Variants in MSH5 observed in about 807,000 individuals in gnomAD.
The protein encoded by MSH5 is mutS homolog 5, also known as mutS protein homolog 5.
In MSH5, 78 loss-of-function variants were observed where a neutral mutation model predicts 107.7. That is an observed-to-expected ratio of 0.72 (90% CI 0.60 to 0.87). The LOEUF (loss-of-function observed/expected upper bound fraction) is 0.87. MSH5 is among the 40% of genes least tolerant of loss of function. The pLI is 0.00. For synonymous variants in MSH5, 326 were observed against 399.5 expected (o/e 0.82, Z 2.19); for missense variants, 889 against 1,046.6 (o/e 0.85, Z 2.08).
intron 12 of MSH5, 51 bp downstream of exon 12, chr6:31,753,680 T>C: frequency 6.4e-7 from 1 of 1,556,442 alleles, no homozygotes; most frequent in Non-Finnish European, 8.9e-7. Flanking sequence ...GCCCTCAGCC[T>C]GTATTCCAGA....
At chr6:31,743,468 C>T (rs1462267457) in intron 5 of MSH5, 5 of 506,600 alleles carry the variant, frequency 9.9e-6, no homozygotes, top group Non-Finnish European at 1.7e-5. Flanking sequence ...AAGTTAAAGC[C>T]TTTTATCACC....
chr6:31,761,808 C>A lies in MSH5; in HGVS notation c.2182-10C>A. ...GATTGATGATACACTGTCTTTTATT[C>A]TCTTTTAAGACCATGGAGACCTGTG... is the stretch of plus-strand genomic sequence containing the variant. On this transcript the variant is annotated splice_polypyrimidine_tract_variant and intron_variant, in intron 22 of 24. Coordinates refer to ENST00000375750, the MANE Select transcript of MSH5 (RefSeq NM_172166.4). The surrounding 1 kb of genome is among the most constrained non-coding windows in gnomAD (Gnocchi z 5.3). 1 of 1,613,090 alleles carries A rather than the reference C, an allele frequency of 6.2e-7. No homozygotes were observed. Among genetic ancestry groups the A allele is most frequent in the Non-Finnish European group, 8.5e-7 (1 of 1,180,024 alleles).
chr6:31,749,387 C>T (rs959059916), intron 10 of MSH5, among the ~76,000 whole-genome samples: 1 of 152,012 alleles, frequency 6.6e-6, no homozygotes, highest in African/African-American at 2.4e-5. Context: ...ACCGAAAATA[C>T]AAAAATTAGC....
chr6:31,752,881 T>A (rs556309169), intron 10 of MSH5, among the ~76,000 whole-genome samples: 1 of 152,326 alleles, frequency 6.6e-6, no homozygotes, highest in African/African-American at 2.4e-5. Flanking sequence ...AAGATGAATG[T>A]CTGTTGCTGT....
chr6:31,749,379 C>T (rs191934641), intron 10 of MSH5, among the ~76,000 whole-genome samples: 4 of 152,020 alleles, frequency 2.6e-5, no homozygotes, highest in Admixed American at 1.3e-4. Flanking sequence ...TCACGTCTAC[C>T]GAAAATACAA....
At chr6:31,753,938 C>G (rs1810207374) in intron 12 of MSH5, 1 of 288,772 alleles carries the variant, frequency 3.5e-6, no homozygotes, top group Non-Finnish European at 6.9e-6. Flanking sequence ...GTTGGCCAGG[C>G]TGGTCTTGAA....
chr6:31,753,769 C>A (rs1810190250), intron 12 of MSH5, 140 bp downstream of exon 12: 1 of 810,402 alleles, frequency 1.2e-6, no homozygotes, highest in Admixed American at 2.3e-5. Flanking sequence ...CGCTCTGTCG[C>A]CCAGGCTGAA....
chr6:31,762,124 A>G lies in MSH5; in HGVS notation c.2332A>G (p.Ile778Val). The change falls in exon 24 of 25, where the codon ATC (isoleucine) becomes GTC (valine). Residue 778 changes from isoleucine to valine, a missense_variant. Around this residue, in one of 3 missense-constraint regions of MSH5, gnomAD observed 362 missense variants for 456.2 expected, o/e 0.79. Coordinates refer to ENST00000375750, the MANE Select transcript of MSH5 (RefSeq NM_172166.4). ...VARGKEVSDL[I>V]RSGKPIKPVK... ...TGCTTGTTCCTAGGTCTCAGACTTG[A>G]TCCGCAGTGGAAAACCCATCAAGCC... 2 of 1,614,154 alleles carry G rather than the reference A, an allele frequency of 1.2e-6. No individual in the cohort carries two copies. The highest frequency in any genetic ancestry group is 1.7e-6 in the Non-Finnish European group (2 of 1,180,030).
At chr6:31,746,956 A>T (rs936268729) in intron 9 of MSH5, among the ~76,000 whole-genome samples, 4 of 152,084 alleles carry the variant, frequency 2.6e-5, no homozygotes, top group Non-Finnish European at 5.9e-5. Flanking sequence ...AGTAGCTGGG[A>T]CTACAGGTGC....
chr6:31,740,451 C>T lies in MSH5; in HGVS notation c.-13-3C>T. The T allele has an allele frequency of 6.4e-7, 1 of 1,553,698 alleles. No homozygotes were observed. Among genetic ancestry groups the T allele is most frequent in the East Asian group, 2.5e-5 (1 of 40,810 alleles). On this transcript the variant is annotated splice_region_variant and splice_polypyrimidine_tract_variant and intron_variant, in intron 1 of 24. Coordinates refer to ENST00000375750, the MANE Select transcript of MSH5 (RefSeq NM_172166.4). This position sits in a 1 kb window ranked among gnomAD's most constrained non-coding sequence, Gnocchi z 4.4. ...GAACCGCCCTCACTTTTTGCATCCG[C>T]AGAGCCTCCAAGCTCATGGCCTCCT...
At chr6:31,748,807 C>G (rs547977898) in intron 10 of MSH5, among the ~76,000 whole-genome samples, 1 of 152,240 alleles carries the variant, frequency 6.6e-6, no homozygotes, top group African/African-American at 2.4e-5. Context: ...TTCCAAAGCC[C>G]CTTCTAAGTC....
chr6:31,741,102 T>G, intron 2 of MSH5, 61 bp from the exon 3 acceptor site: 1 of 1,584,578 alleles, frequency 6.3e-7, no homozygotes, highest in Admixed American at 1.8e-5. Context: ...ATATAAGACA[T>G]GGTAAACCCT....
In MSH5 at chr6:31,760,591, C is replaced by T. The variant is rs1273370167; in HGVS notation, c.1813-99C>T. On this transcript the variant is annotated intron_variant, in intron 19 of 24. Transcript: ENST00000375750. This position sits in a 1 kb window ranked among gnomAD's most constrained non-coding sequence, Gnocchi z 5.6. ...CTGTTACCTATTTCTCCTGTTTCACCCTGTCCATTTCTCTTTGATGTGCCA... is the reference window on the plus strand; with the variant it reads ...CTGTTACCTATTTCTCCTGTTTCACTCTGTCCATTTCTCTTTGATGTGCCA... 1 of 1,473,800 alleles carries T rather than the reference C, an allele frequency of 6.8e-7. No homozygotes were observed. The highest frequency in any genetic ancestry group is 9.5e-7 in the Non-Finnish European group (1 of 1,057,280). The allele number at this position is 1,473,800 out of a possible 1,614,324, so 91.3% of individuals were successfully genotyped here. A position where few individuals can be genotyped will look rare whatever the true frequency, so the allele number is the denominator to read the frequency against.
At chr6:31,748,016 A>C (rs1253323510) in intron 10 of MSH5, among the ~76,000 whole-genome samples, 1 of 152,110 alleles carries the variant, frequency 6.6e-6, no homozygotes, top group East Asian at 1.9e-4. Context: ...AAAAAAAAAA[A>C]ATGCTAATGT....
chr6:31,744,697 T>C (rs897520391), intron 8 of MSH5, 116 bp downstream of exon 8: 86 of 1,141,714 alleles, frequency 7.5e-5, no homozygotes, highest in Non-Finnish European at 1.0e-4. Context: ...AAGATCTCTC[T>C]CCTTGAAGGA....
chr6:31,740,426 G>A lies in MSH5; in HGVS notation c.-13-28G>A. On this transcript the variant is annotated intron_variant, in intron 1 of 24. Coordinates refer to ENST00000375750, the MANE Select transcript of MSH5 (RefSeq NM_172166.4). The surrounding 1 kb of genome is among the most constrained non-coding windows in gnomAD (Gnocchi z 4.4). ...GCCTCCTCTGTGAATCGTTGCTTCC[G>A]AACCGCCCTCACTTTTTGCATCCGC... 2 of 1,542,490 alleles carry A rather than the reference G, an allele frequency of 1.3e-6. No individual in the cohort carries two copies. Among genetic ancestry groups the A allele is most frequent in the Non-Finnish European group, 1.7e-6 (2 of 1,143,332 alleles).
rs1810646393 is a variant in MSH5, at chr6:31,758,385, A to G, written c.1143+92A>G. The G allele has an allele frequency of 6.3e-6, 10 of 1,581,722 alleles. No individual in the cohort carries two copies. Among genetic ancestry groups the G allele is most frequent in the Non-Finnish European group, 7.8e-6 (9 of 1,158,002 alleles). ...GGGAAACATGGAAGATATTGAGGTC[A>G]ATTGGATAAAGAATGGGATGGTGGG... On this transcript the variant is annotated intron_variant, in intron 13 of 24. Transcript: ENST00000375750. This position sits in a 1 kb window ranked among gnomAD's most constrained non-coding sequence, Gnocchi z 5.1.
intron 24 of MSH5, 52 bp from the exon 25 acceptor site, chr6:31,762,368 G>A: frequency 7.0e-7 from 1 of 1,424,670 alleles, no homozygotes; most frequent in South Asian, 1.2e-5. Context: ...CTCTGCCCAG[G>A]GATTTGGTTG....
chr6:31,746,078 TTTTG>T (rs1285797629), intron 9 of MSH5: 1 of 33,816 alleles, frequency 3.0e-5, no homozygotes, highest in African/African-American at 1.4e-4. Context: ...TTGTGTCCAG[TTTTG>T]TGTGTGTGTG....
Sources: gnomAD v4.1 joint callset for allele counts (sites outside exome capture counted in the v4.1 genomes callset) on GRCh38, gnomAD v4.1.1 for gene constraint, gnomAD v4.1.1 regional missense constraint, Gnocchi (gnomAD v3.1) non-coding constraint, MANE v1.5 for transcripts, NCBI Gene and HGNC (gene_info 2026-07-23, HGNC 2026-07-21) for gene names.